Variants in ADAM23 observed in about 807,000 individuals in gnomAD.
The protein encoded by ADAM23 is disintegrin and metalloproteinase domain-containing protein 23.
Under a neutral mutation model 120.1 loss-of-function variants are expected in ADAM23, and 33 were observed. The observed-to-expected ratio is 0.27, with a 90% CI of 0.21 to 0.37. The LOEUF (loss-of-function observed/expected upper bound fraction) is 0.37, where lower values mean the gene tolerates loss of function less well. Among genes scored for constraint, ADAM23 ranks in the 10% least tolerant of loss-of-function variants. The pLI is 1.00. For missense variants in ADAM23, 862 were observed against 1,058.2 expected, an observed-to-expected ratio of 0.81 and a Z score of 2.57; for synonymous variants, 367 against 375.2, an observed-to-expected ratio of 0.98 and a Z score of 0.25.
chr2:206,446,132 C>T (rs927774385), intron 2 of ADAM23, among the ~76,000 whole-genome samples: 2 of 152,156 alleles, frequency 1.3e-5, no homozygotes, highest in Non-Finnish European at 2.9e-5. Flanking sequence ...TTTTGATTGG[C>T]ATAATTCTTC....
intron 2 of ADAM23, among the ~76,000 whole-genome samples, chr2:206,467,183 A>G (rs1195675716): frequency 6.6e-6 from 1 of 152,196 alleles, no homozygotes; most frequent in Non-Finnish European, 1.5e-5. Context: ...TGTCCTTTTC[A>G]TATTGCAAAA....
intron 6 of ADAM23, among the ~76,000 whole-genome samples, chr2:206,543,860 A>G (rs746561096): frequency 6.6e-5 from 10 of 152,188 alleles, no homozygotes; most frequent in Non-Finnish European, 1.0e-4. Flanking sequence ...GACTATTACT[A>G]TAAGTGAAGT....
intron 21 of ADAM23, among the ~76,000 whole-genome samples, chr2:206,592,251 C>T (rs968237178): frequency 1.3e-5 from 2 of 152,166 alleles, no homozygotes; most frequent in Non-Finnish European, 2.9e-5. Context: ...ACAAAATCCT[C>T]CCAGCCACTC....
intron 2 of ADAM23, among the ~76,000 whole-genome samples, chr2:206,458,588 A>G (rs1263457995): frequency 6.6e-6 from 1 of 152,210 alleles, no homozygotes; most frequent in Non-Finnish European, 1.5e-5. Flanking sequence ...TTTGCCTATA[A>G]TCAGGGCACT....
At chr2:206,470,205 TATA>T (rs1695625351) in intron 2 of ADAM23, among the ~76,000 whole-genome samples, 3 of 152,122 alleles carry the variant, frequency 2.0e-5, no homozygotes, top group Non-Finnish European at 4.4e-5. Flanking sequence ...CAAGGTAATA[TATA>T]ATCTGAGGAA....
At chr2:206,523,041 A>C (rs1221568127) in intron 3 of ADAM23, among the ~76,000 whole-genome samples, 1 of 152,118 alleles carries the variant, frequency 6.6e-6, no homozygotes, top group African/African-American at 2.4e-5. Flanking sequence ...TCAGAAGGGA[A>C]CTCTCACTGG....
intron 3 of ADAM23, among the ~76,000 whole-genome samples, chr2:206,500,498 A>G (rs926787326): frequency 6.6e-6 from 1 of 152,218 alleles, no homozygotes; most frequent in Non-Finnish European, 1.5e-5. Context: ...TCTCTATCTC[A>G]GCGGTGAATG....
intron 24 of ADAM23, chr2:206,606,824 TAC>T (rs992264063): frequency 5.3e-5 from 8 of 152,220 alleles, no homozygotes; most frequent in African/African-American, 1.4e-4. Context: ...CATAACCCTT[TAC>T]ACAGTCTTTT....
intron 3 of ADAM23, among the ~76,000 whole-genome samples, chr2:206,486,304 T>G (rs1696011886): frequency 6.6e-6 from 1 of 152,200 alleles, no homozygotes; most frequent in African/African-American, 2.4e-5. Context: ...ACAGAAGATT[T>G]TGAAAAGATC....
rs1209395675 is a variant in ADAM23, at chr2:206,577,662, T to C, written c.1737+4467T>C. 2.1e-5 allele frequency among the ~76,000 whole-genome samples: 3 copies of C among 143,714 alleles called. No individual in the cohort carries two copies. The Admixed American group carries it at 2.1e-4, about 10-fold the overall frequency. 94.3% of individuals were successfully genotyped at this position (143,714 alleles called of 152,430 possible). On this transcript the variant is annotated intron_variant, in intron 18 of 25. Coordinates refer to ENST00000264377, the MANE Select transcript of ADAM23 (RefSeq NM_003812.4). ...CACATTTTCTTAATCCAGTCTATCATTGTTGGACATTTGGGTTGGTTCCAA... is the reference window on the plus strand; with the variant it reads ...CACATTTTCTTAATCCAGTCTATCACTGTTGGACATTTGGGTTGGTTCCAA...
chr2:206,469,006 G>T (rs1377144429), intron 2 of ADAM23, among the ~76,000 whole-genome samples: 3 of 152,092 alleles, frequency 2.0e-5, no homozygotes, highest in African/African-American at 7.2e-5. Flanking sequence ...TCACTACTGC[G>T]ATGACAGCTC....
At chr2:206,613,505 C>T (rs544553485) in intron 25 of ADAM23, among the ~76,000 whole-genome samples, 2 of 152,288 alleles carry the variant, frequency 1.3e-5, no homozygotes, top group African/African-American at 2.4e-5. Flanking sequence ...ATTTGCTCTA[C>T]TTCTATATCT....
intron 10 of ADAM23, among the ~76,000 whole-genome samples, chr2:206,559,248 G>A (rs1261543701): frequency 6.6e-6 from 1 of 152,088 alleles, no homozygotes; most frequent in Admixed American, 6.6e-5. Context: ...CTGGCCCATT[G>A]TTTTCTTAAT....
chr2:206,518,036 G>A (rs1696769485), intron 3 of ADAM23, among the ~76,000 whole-genome samples: 1 of 152,158 alleles, frequency 6.6e-6, no homozygotes, highest in Non-Finnish European at 1.5e-5. Context: ...GTGAATGTGA[G>A]TAAGATAGTC....
chr2:206,598,552 T>C (rs1178690322), intron 24 of ADAM23, among the ~76,000 whole-genome samples: 1 of 152,172 alleles, frequency 6.6e-6, no homozygotes, highest in African/African-American at 2.4e-5. Flanking sequence ...TACATACTTA[T>C]TGTAGAAAAA....
intron 2 of ADAM23, among the ~76,000 whole-genome samples, chr2:206,477,627 A>G (rs1695799752): frequency 6.6e-6 from 1 of 152,044 alleles, no homozygotes; most frequent in African/African-American, 2.4e-5. Flanking sequence ...TCTCTGAAGC[A>G]TTCCTAGGAT....
chr2:206,549,715 G>A (rs955751610), intron 8 of ADAM23, among the ~76,000 whole-genome samples: 7 of 151,766 alleles, frequency 4.6e-5, no homozygotes, highest in South Asian at 4.1e-4. Context: ...TTTCATTGAC[G>A]TTTTAAGTAA....
chr2:206,581,819 T>A (rs1698223354), intron 18 of ADAM23, among the ~76,000 whole-genome samples: 1 of 152,146 alleles, frequency 6.6e-6, no homozygotes, highest in Admixed American at 6.5e-5. Context: ...GTCAGTGGAG[T>A]ATTGAAGTCC....
intron 3 of ADAM23, among the ~76,000 whole-genome samples, chr2:206,487,557 A>G (rs1038630174): frequency 5.9e-5 from 9 of 152,216 alleles, no homozygotes; most frequent in African/African-American, 2.2e-4. Flanking sequence ...ATTAAAGAAC[A>G]TGACACGACT....
Sources: allele counts gnomAD v4.1 joint callset (sites outside exome capture counted in the v4.1 genomes callset), GRCh38; gene constraint gnomAD v4.1.1; transcripts MANE v1.5; gene names NCBI Gene and HGNC (gene_info 2026-07-23, HGNC 2026-07-21).